Variants in SBF2 observed in about 807,000 individuals in gnomAD.
SBF2 encodes the protein myotubularin-related protein 13.
SBF2 carries 112 observed loss-of-function variants against 225.2 expected under a neutral mutation model. The observed-to-expected ratio is 0.50, with a 90% confidence interval of 0.43 to 0.58. The LOEUF is 0.58. Among genes scored for constraint, SBF2 ranks in the 20% least tolerant of loss-of-function variants. The pLI is 0.00. For missense variants in SBF2, 1,996 were observed against 2,206.2 expected (o/e 0.90, Z 1.91); for synonymous variants, 763 against 773.3 (o/e 0.99, Z 0.22).
intron 32 of SBF2, among the ~76,000 whole-genome samples, chr11:9,805,661 C>T (rs1366407915): frequency 1.3e-5 from 2 of 152,088 alleles, no homozygotes; most frequent in African/African-American, 4.8e-5. Flanking sequence ...CTCGCTCTGT[C>T]TCCCAGGCTG....
rs775288994 is a variant in SBF2, at chr11:9,808,889, C to G, written c.4257+12G>C. Reference sequence around the variant, plus strand: ...AAATATAAAATATCAAAAAATATGTCTAATAGTTTACTTGTGCAGTGATGT... The same window carrying G: ...AAATATAAAATATCAAAAAATATGTGTAATAGTTTACTTGTGCAGTGATGT... On this transcript the variant is annotated intron_variant, in intron 31 of 39. Transcript: ENST00000256190. 1 of 1,569,750 alleles carries G rather than the reference C, an allele frequency of 6.4e-7. No individual in the cohort carries two copies. Among genetic ancestry groups the G allele is most frequent in the African/African-American group, 1.4e-5 (1 of 74,008 alleles).
chr11:9,832,097 A>G, intron 27 of SBF2, 127 bp downstream of exon 27: 1 of 794,930 alleles, frequency 1.3e-6, no homozygotes, highest in Non-Finnish European at 2.1e-6. Flanking sequence ...TGCATGTAGC[A>G]AAGTGGAAAA....
chr11:10,248,862 G>A (rs542683964), intron 1 of SBF2, among the ~76,000 whole-genome samples: 3 of 152,316 alleles, frequency 2.0e-5, no homozygotes, highest in South Asian at 2.1e-4. Flanking sequence ...TTGGGAGGCC[G>A]AGGTGGGCGG....
intron 5 of SBF2, 68 bp from the exon 6 acceptor site, chr11:10,028,625 C>A: frequency 9.7e-7 from 1 of 1,030,280 alleles, no homozygotes; most frequent in East Asian, 2.4e-5. Context: ...AATAAAAATA[C>A]CTTCGATGTT....
At chr11:10,196,253 G>A (rs1957350711) in intron 1 of SBF2, among the ~76,000 whole-genome samples, 1 of 152,084 alleles carries the variant, frequency 6.6e-6, no homozygotes, top group African/African-American at 2.4e-5. Flanking sequence ...ATTGTTTTAA[G>A]TTTATTCCTC....
At position 10,250,705 on chromosome 11, in the gene SBF2, C is replaced by T. The variant is rs574313854; in HGVS notation, c.55+43310G>A. On this transcript the variant is annotated intron_variant, in intron 1 of 39. Coordinates refer to ENST00000256190, the MANE Select transcript of SBF2 (RefSeq NM_030962.4). The stretch of plus-strand genomic sequence containing the variant: ...AGGTAAAGAAAGTTTTTATGGTTCA[C>T]TAAGGACAATCAACTCCTTCACAAT... 3.3e-5 allele frequency among the ~76,000 whole-genome samples: 5 copies of T among 152,298 alleles called. No homozygotes were observed. In the East Asian group the frequency reaches 7.7e-4, roughly 24 times the overall value.
At chr11:9,967,340 C>A (rs1220959553) in intron 14 of SBF2, among the ~76,000 whole-genome samples, 2 of 150,800 alleles carry the variant, frequency 1.3e-5, no homozygotes, top group African/African-American at 2.4e-5. Context: ...CCACTGCACT[C>A]CAGCCTGGGT....
intron 16 of SBF2, among the ~76,000 whole-genome samples, chr11:9,947,186 C>A (rs1021081335): frequency 6.6e-6 from 1 of 152,158 alleles, no homozygotes; most frequent in Non-Finnish European, 1.5e-5. Context: ...CAAATAGTTA[C>A]TGCCATAAAA....
At chr11:10,072,114 A>G (rs1255839700) in intron 2 of SBF2, among the ~76,000 whole-genome samples, 1 of 152,268 alleles carries the variant, frequency 6.6e-6, no homozygotes, top group Non-Finnish European at 1.5e-5. Context: ...TAATTTGAAT[A>G]GTACAATGAA....
At position 10,174,805 on chromosome 11, in the gene SBF2, C is replaced by T. The variant is rs575868700; in HGVS notation, c.141+19097G>A. On this transcript the variant is annotated intron_variant, in intron 2 of 39. Transcript: ENST00000256190. ...AAAGGGAAGCCCATCAGACTAACAG[C>T]GGATCTCTCGGCAGAAACTCTACAA... is the stretch of plus-strand genomic sequence containing the variant. Among the ~76,000 whole-genome samples, 577 of 152,082 alleles carry T rather than the reference C, an allele frequency of 3.8e-3. 4 individuals carry two copies. Among genetic ancestry groups the T allele is most frequent in the African/African-American group, 0.013 (548 of 41,460 alleles).
At chr11:10,014,128 C>G (rs1433632173) in intron 6 of SBF2, among the ~76,000 whole-genome samples, 1 of 152,128 alleles carries the variant, frequency 6.6e-6, no homozygotes, top group African/African-American at 2.4e-5. Flanking sequence ...TCCTGGTTCT[C>G]TTTGGTGAGA....
At chr11:10,114,082 T>C (rs138989182) in intron 2 of SBF2, among the ~76,000 whole-genome samples, 4 of 152,302 alleles carry the variant, frequency 2.6e-5, no homozygotes, top group South Asian at 4.1e-4. Context: ...CTTGTGTGGC[T>C]TTAGGTAGGT....
In SBF2 at chr11:10,133,573, C is replaced by A. The variant is rs1166809490; in HGVS notation, c.141+60329G>T. ...GTGCTAAGTCCCCCATTGCCCAGGG[C>A]CAGCAGGGCTGCCTGGCTGCTCCGA... is the stretch of plus-strand genomic sequence containing the variant. On this transcript the variant is annotated intron_variant, in intron 2 of 39. Coordinates refer to ENST00000256190, the MANE Select transcript of SBF2 (RefSeq NM_030962.4). Among the ~76,000 whole-genome samples, 14 of 137,630 alleles carry A rather than the reference C, an allele frequency of 1.0e-4. 4 individuals are homozygous for A. The highest frequency in any genetic ancestry group is 2.4e-4 in the Non-Finnish European group (14 of 59,558). 90.3% of individuals were successfully genotyped at this position (137,630 alleles called of 152,430 possible). A position where few individuals can be genotyped will look rare whatever the true frequency, so the allele number is the denominator to read the frequency against.
chr11:10,062,247 A>G (rs1024525363), intron 2 of SBF2, among the ~76,000 whole-genome samples: 4 of 152,192 alleles, frequency 2.6e-5, no homozygotes, highest in Non-Finnish European at 4.4e-5. Context: ...CTGGAAGACA[A>G]CCTAGGTAAT....
chr11:10,010,627 T>C (rs1948408705), intron 6 of SBF2, among the ~76,000 whole-genome samples: 1 of 152,212 alleles, frequency 6.6e-6, no homozygotes, highest in South Asian at 2.1e-4. Context: ...ACCATGCTGT[T>C]TTGGTTACTG....
intron 26 of SBF2, among the ~76,000 whole-genome samples, chr11:9,833,458 T>C (rs1423790420): frequency 2.7e-5 from 4 of 150,478 alleles, no homozygotes; most frequent in African/African-American, 7.3e-5. Context: ...TCTCGCTCTG[T>C]CGCCCAGGCT....
At chr11:9,922,220 A>G (rs991632061) in intron 16 of SBF2, among the ~76,000 whole-genome samples, 1 of 152,162 alleles carries the variant, frequency 6.6e-6, no homozygotes, top group African/African-American at 2.4e-5. Flanking sequence ...ACGGTACTCC[A>G]GCCTGGGAAA....
At chr11:10,163,343 C>G (rs1490626623) in intron 2 of SBF2, among the ~76,000 whole-genome samples, 1 of 152,110 alleles carries the variant, frequency 6.6e-6, no homozygotes, top group Non-Finnish European at 1.5e-5. Context: ...CTTGGATCTA[C>G]AAGTTTCAGA....
intron 2 of SBF2, among the ~76,000 whole-genome samples, chr11:10,072,875 A>G (rs996420055): frequency 6.6e-5 from 10 of 150,716 alleles, no homozygotes; most frequent in African/African-American, 2.4e-4. Flanking sequence ...CAGATGCATG[A>G]CACCACATAT....
Sources: allele counts gnomAD v4.1 joint callset (sites outside exome capture counted in the v4.1 genomes callset), GRCh38; gene constraint gnomAD v4.1.1; transcripts MANE v1.5; gene names NCBI Gene and HGNC (gene_info 2026-07-23, HGNC 2026-07-21).